The following ZSWIM4 variants were observed in gnomAD, a reference collection of about 807,000 sequenced individuals.
ZSWIM4 encodes the protein zinc finger SWIM-type containing 4.
Under a neutral mutation model 102.5 loss-of-function variants are expected in ZSWIM4, and 62 were observed. The ratio of observed to expected loss-of-function variants is 0.60; its 90% CI spans 0.49 to 0.75. The LOEUF (loss-of-function observed/expected upper bound fraction) is 0.75. Among genes scored for constraint, ZSWIM4 ranks in the 30% least tolerant of loss-of-function variants. ZSWIM4 has a pLI of 0.00. For synonymous variants in ZSWIM4, 652 were observed against 674.5 expected, an observed-to-expected ratio of 0.97 and a Z score of 0.52; for missense variants, 1,280 against 1,529.6, an observed-to-expected ratio of 0.84 and a Z score of 2.72.
At chr19:13,814,460 C>A in intron 6 of ZSWIM4, 55 bp from the exon 7 acceptor site, 1 of 1,028,544 alleles carries the variant, frequency 9.7e-7, no homozygotes, top group Non-Finnish European at 1.2e-6. Flanking sequence ...CTGGACACGG[C>A]TCAACTGCTA....
At chr19:13,810,430 T>A (rs1294424600) in intron 5 of ZSWIM4, among the ~76,000 whole-genome samples, 2 of 151,060 alleles carry the variant, frequency 1.3e-5, no homozygotes, top group African/African-American at 2.4e-5. Flanking sequence ...GTAGCTGGGA[T>A]TATAGGTGCG....
chr19:13,819,423 G>GC lies in ZSWIM4; in HGVS notation c.1992dup (p.Tyr665LeufsTer10). 1.2e-6 allele frequency: 2 copies of GC among 1,611,420 alleles called. No individual in the cohort carries two copies. The highest frequency in any genetic ancestry group is 1.7e-6 in the Non-Finnish European group (2 of 1,178,858). ...AGCGTGCCCATGCACACCTGTGCCC[G>GC]CTACCTGTTCACCGCACTGCTGCCT... On this transcript the variant is annotated frameshift_variant, in exon 10 of 14. Transcript: ENST00000590508. LOFTEE classifies it high-confidence loss of function.
At chr19:13,796,058 ACTTC>A (rs913783355) in intron 1 of ZSWIM4, among the ~76,000 whole-genome samples, 1 of 138,912 alleles carries the variant, frequency 7.2e-6, no homozygotes, top group African/African-American at 2.7e-5. Flanking sequence ...AAATCAGGAC[ACTTC>A]CTTCTTCTCC....
intron 13 of ZSWIM4, among the ~76,000 whole-genome samples, chr19:13,829,702 G>A (rs549781932): frequency 6.6e-6 from 1 of 152,166 alleles, no homozygotes; most frequent in South Asian, 2.1e-4. Context: ...GTGGGCCCCT[G>A]TAGTCCCAGC....
intron 10 of ZSWIM4, 104 bp downstream of exon 10, chr19:13,819,596 T>C: frequency 7.3e-7 from 1 of 1,368,472 alleles, no homozygotes; most frequent in South Asian, 1.5e-5. Flanking sequence ...ACTCACAGCC[T>C]AGTTAATTCA....
chr19:13,804,842 G>C lies in ZSWIM4; in HGVS notation c.406G>C (p.Glu136Gln), dbSNP rs377025716. 4.3e-6 allele frequency: 7 copies of C among 1,609,354 alleles called. No homozygotes were observed. The highest frequency in any genetic ancestry group is 4.0e-5 in the African/African-American group (3 of 74,842). Reference protein sequence around the residue: ...IREPGSPGEPERLYHVSISFD... With the variant: ...IREPGSPGEPQRLYHVSISFD... ...CGAGCCAGGGAGTCCTGGAGAGCCC[G>C]AGCGCCTCTACCATGTCTCCATCAG... Residue 136 changes from glutamate (E) to glutamine (Q), a missense_variant, in exon 3 of 14, where the codon GAG becomes CAG. By Grantham distance (29) the Glu-to-Gln change is conservative. Coordinates refer to ENST00000590508, the MANE Select transcript of ZSWIM4 (RefSeq NM_001367834.3).
rs1285218438 is a variant in ZSWIM4, at chr19:13,795,677, G to C, written c.29G>C (p.Arg10Pro). The change falls in exon 1 of 14, where the codon CGG becomes CCG. Residue 10 changes from arginine (R) to proline (P), a missense_variant. Arg to Pro is a moderately radical substitution (Grantham distance 103). Coordinates refer to ENST00000590508, the MANE Select transcript of ZSWIM4 (RefSeq NM_001367834.3). ...GAACCCCCCGCGGCCAAGCGGAGCC[G>C]GGGCTGCCCCGCGGGACCCGAGGAG... MEPPAAKRSRGCPAGPEERD... is the reference protein window; with the variant it reads MEPPAAKRSPGCPAGPEERD... 13 of 1,018,648 alleles carry C rather than the reference G, an allele frequency of 1.3e-5. No individual in the cohort carries two copies. The highest frequency in any genetic ancestry group is 1.7e-5 in the African/African-American group (1 of 59,258). The allele number at this position is 1,018,648 out of a possible 1,614,324, so 63.1% of individuals were successfully genotyped here.
chr19:13,799,782 T>C lies in ZSWIM4; in HGVS notation c.216T>C (p.Phe72=). ...AGAAGCGCATCGTGTTTTGGTCGTT[T>C]CCACGCAGTGAACGGGAAATATGTA... ...PVQKRIVFWS[F]PRSEREICMY... Residue 72 remains phenylalanine (F), a synonymous_variant, in exon 2 of 14, where the codon TTT becomes TTC. Coordinates refer to ENST00000590508, the MANE Select transcript of ZSWIM4 (RefSeq NM_001367834.3). The C allele has an allele frequency of 6.2e-7, 1 of 1,614,070 alleles. No individual in the cohort carries two copies. Among genetic ancestry groups the C allele is most frequent in the Non-Finnish European group, 8.5e-7 (1 of 1,180,016 alleles).
Position 13,809,547 on chromosome 19 carries a change from A to G in ZSWIM4, c.1012+327A>G, listed in dbSNP as rs1023478919. ...GCCCAGGCTGGCGTGCAGTGGCACA[A>G]TCTCGGCTGACTGCAACCTCTGCCT... On this transcript the variant is annotated intron_variant, in intron 5 of 13. Transcript: ENST00000590508. The surrounding 1 kb of genome is among the most constrained non-coding windows in gnomAD (Gnocchi z 4.2). Among the ~76,000 whole-genome samples the G allele has an allele frequency of 4.6e-5, 7 of 152,058 alleles. No individual in the cohort carries two copies. The highest frequency in any genetic ancestry group is 9.7e-5 in the African/African-American group (4 of 41,400).
At chr19:13,815,456 A>ATTTTTTTTTTTTTT (rs758486796) in intron 7 of ZSWIM4, 2 of 58,174 alleles carry the variant, frequency 3.4e-5, no homozygotes, top group Admixed American at 1.9e-4. Flanking sequence ...GTGCCTGGAA[A>ATTTTTTTTTTTTTT]TTTTTTTTTT....
chr19:13,796,151 C>T (rs1381115766), intron 1 of ZSWIM4, among the ~76,000 whole-genome samples: 1 of 150,880 alleles, frequency 6.6e-6, no homozygotes, highest in Non-Finnish European at 1.5e-5. Context: ...CGCCTTATCC[C>T]CCAACGGTAC....
chr19:13,829,586 A>G (rs1265783131), intron 13 of ZSWIM4, among the ~76,000 whole-genome samples: 1 of 152,100 alleles, frequency 6.6e-6, no homozygotes, highest in East Asian at 1.9e-4. Flanking sequence ...GCAAGACTCC[A>G]TCTCAAAATG....
chr19:13,823,636 C>A, intron 11 of ZSWIM4, 136 bp downstream of exon 11: 1 of 1,054,136 alleles, frequency 9.5e-7, no homozygotes, highest in Non-Finnish European at 1.4e-6. Flanking sequence ...CCTATATGTA[C>A]CGGACACTGT....
intron 5 of ZSWIM4, among the ~76,000 whole-genome samples, chr19:13,810,489 C>T (rs1182659840): frequency 1.3e-5 from 2 of 151,792 alleles, no homozygotes; most frequent in African/African-American, 2.4e-5. Context: ...GACGGAGTTT[C>T]ACCATGTTGA....
chr19:13,813,690 G>C (rs543331989), intron 6 of ZSWIM4, among the ~76,000 whole-genome samples: 1 of 151,952 alleles, frequency 6.6e-6, no homozygotes, highest in Admixed American at 6.6e-5. Context: ...GGAAGCTGAG[G>C]GGGGCAGATT....
intron 1 of ZSWIM4, 33 bp from the exon 2 acceptor site, chr19:13,799,687 C>T (rs2145251067): frequency 6.2e-7 from 1 of 1,609,160 alleles, no homozygotes; most frequent in Non-Finnish European, 8.5e-7. Flanking sequence ...TTACATCAAC[C>T]CCAGGCTCCT....
At chr19:13,804,413 TGAGCC>T (rs1442288032) in intron 2 of ZSWIM4, among the ~76,000 whole-genome samples, 4 of 151,544 alleles carry the variant, frequency 2.6e-5, no homozygotes, top group Non-Finnish European at 5.9e-5. Context: ...GAGGTTGCGG[TGAGCC>T]GAGATCACAC....
chr19:13,799,692 G>T (rs1974703385), intron 1 of ZSWIM4, 28 bp from the exon 2 acceptor site: 1 of 1,611,260 alleles, frequency 6.2e-7, no homozygotes. Flanking sequence ...TCAACCCCAG[G>T]CTCCTAACCC....
intron 8 of ZSWIM4, 43 bp from the exon 9 acceptor site, chr19:13,817,679 G>A: frequency 1.3e-6 from 2 of 1,599,398 alleles, no homozygotes; most frequent in South Asian, 1.1e-5. Flanking sequence ...GGACCTTAGG[G>A]AAGGGGATCC....
Sources: allele counts gnomAD v4.1 joint callset (sites outside exome capture counted in the v4.1 genomes callset), GRCh38; gene constraint gnomAD v4.1.1; non-coding constraint Gnocchi (gnomAD v3.1); transcripts MANE v1.5; gene names NCBI Gene and HGNC (gene_info 2026-07-23, HGNC 2026-07-21).